Variants in SLC38A4 observed in about 807,000 individuals in gnomAD.
The protein encoded by SLC38A4 is solute carrier family 38 member 4.
A neutral mutation model predicts 63.1 loss-of-function variants in SLC38A4; 20 were observed. The ratio of observed to expected loss-of-function variants is 0.32; its 90% CI spans 0.22 to 0.46. The LOEUF is 0.46. Among genes scored for constraint, SLC38A4 ranks in the 20% least tolerant of loss-of-function variants. The pLI is 1.00. For missense variants in SLC38A4, 526 were observed against 663.6 expected (o/e 0.79, Z 2.28); for synonymous variants, 230 against 225.5 (o/e 1.02, Z -0.18).
chr12:46,792,816 T>C, intron 3 of SLC38A4, 137 bp downstream of exon 3: 1 of 676,664 alleles, frequency 1.5e-6, no homozygotes, highest in Non-Finnish European at 2.7e-6. Flanking sequence ...GACCAGGGAA[T>C]TGATGTGCTA....
rs752057334 is a variant in SLC38A4 at position 46,778,685 on chromosome 12, T to G, written c.809A>C (p.His270Pro). ...AGAGTTGTTGGGTAACATTACCACATGCATTGGAAGCGTGTTGTTGAATGA... is the reference window on the plus strand; with the variant it reads ...AGAGTTGTTGGGTAACATTACCACAGGCATTGGAAGCGTGTTGTTGAATGA... ...NLSFNNTLPM[H>P]VVMLPNNSES... The change falls in exon 11 of 17, where the codon CAT (histidine) becomes CCT (proline). Residue 270 changes from histidine (H) to proline (P), a missense_variant. Physicochemically the swap from His to Pro is moderately conservative, Grantham distance 77. Coordinates refer to ENST00000266579, the MANE Select transcript of SLC38A4 (RefSeq NM_018018.5). 5 of 1,612,958 alleles carry G rather than the reference T, an allele frequency of 3.1e-6. No individual in the cohort carries two copies. Among genetic ancestry groups the G allele is most frequent in the Non-Finnish European group, 8.5e-7 (1 of 1,179,306 alleles).
At chr12:46,766,849 T>G (rs1168870492) in intron 16 of SLC38A4, 47 bp from the exon 17 acceptor site, 30 of 1,348,666 alleles carry the variant, frequency 2.2e-5, no homozygotes, top group Non-Finnish European at 3.1e-5. Flanking sequence ...CCATACTTAG[T>G]ACAATTTGTT....
chr12:46,781,936 G>T (rs1478651425), intron 7 of SLC38A4, among the ~76,000 whole-genome samples: 1 of 151,998 alleles, frequency 6.6e-6, no homozygotes, highest in African/African-American at 2.4e-5. Context: ...CCTTGATAAG[G>T]CTGAGAGTTT....
chr12:46,765,495 C>A lies in SLC38A4; in HGVS notation c.*1206G>T. 2.8e-6 allele frequency: 1 copy of A among 351,280 alleles called. No individual in the cohort carries two copies. Among genetic ancestry groups the A allele is most frequent in the Non-Finnish European group, 5.5e-6 (1 of 182,648 alleles). The allele number at this position is 351,280 out of a possible 1,614,324, so 21.8% of individuals were successfully genotyped here. The stretch of plus-strand genomic sequence containing the variant: ...AAAAGAAACTTATTTTCTTGTAGAT[C>A]ATCCTATTATTGTAAATATTGAAGA... On this transcript the variant is annotated 3_prime_UTR_variant, in exon 17 of 17. Transcript: ENST00000266579.
chr12:46,770,647 G>C (rs1457805347), intron 14 of SLC38A4, among the ~76,000 whole-genome samples: 1 of 152,066 alleles, frequency 6.6e-6, no homozygotes, highest in Non-Finnish European at 1.5e-5. Context: ...AGATCCCTGT[G>C]GGCAGAGGGA....
In SLC38A4 at chr12:46,803,727, G is replaced by A. The variant is rs1939176774; in HGVS notation, c.-237C>T. Reference sequence around the variant, plus strand: ...CATTGATTTAAAGACCAGTGGGAGTGAACGAGACAAGCCAATCAACACCAC... The same window carrying A: ...CATTGATTTAAAGACCAGTGGGAGTAAACGAGACAAGCCAATCAACACCAC... On this transcript the variant is annotated 5_prime_UTR_variant, in exon 2 of 17. Coordinates refer to ENST00000266579, the MANE Select transcript of SLC38A4 (RefSeq NM_018018.5). 1 of 150,874 alleles carries A rather than the reference G, an allele frequency of 6.6e-6. No homozygotes were observed. The highest frequency in any genetic ancestry group is 2.4e-5 in the African/African-American group (1 of 41,040). The allele number at this position is 150,874 out of a possible 1,614,324, so 9.3% of individuals were successfully genotyped here. A position where few individuals can be genotyped will look rare whatever the true frequency, so the allele number is the denominator to read the frequency against.
At chr12:46,769,516 T>G in intron 14 of SLC38A4, 88 bp from the exon 15 acceptor site, 11 of 1,365,064 alleles carry the variant, frequency 8.1e-6, no homozygotes, top group East Asian at 2.3e-5. Context: ...CTAATGCATT[T>G]TCTTTCCTTT....
chr12:46,785,738 C>CCTTTTTTTT (rs1489385010), intron 5 of SLC38A4, among the ~76,000 whole-genome samples: 1 of 66,926 alleles, frequency 1.5e-5, no homozygotes, highest in Non-Finnish European at 2.9e-5. Flanking sequence ...ACGAAAATTC[C>CCTTTTTTTT]TTTTTTTTTT....
intron 7 of SLC38A4, among the ~76,000 whole-genome samples, chr12:46,781,395 T>G (rs1481142055): frequency 1.3e-5 from 2 of 152,058 alleles, no homozygotes; most frequent in African/African-American, 4.8e-5. Flanking sequence ...ATATTTCTGA[T>G]TAGCTGGCTT....
At chr12:46,804,580 T>A (rs1392190245) in intron 1 of SLC38A4, among the ~76,000 whole-genome samples, 1 of 152,042 alleles carries the variant, frequency 6.6e-6, no homozygotes, top group Non-Finnish European at 1.5e-5. Flanking sequence ...GATGTGTCAA[T>A]TCCTATTTCT....
chr12:46,814,042 A>G (rs12301396), intron 1 of SLC38A4, among the ~76,000 whole-genome samples: 1,926 of 152,152 alleles, frequency 0.013, 25 homozygotes, highest in East Asian at 0.063. Flanking sequence ...TACTGGGTCT[A>G]ATGAAAACTT....
intron 1 of SLC38A4, among the ~76,000 whole-genome samples, chr12:46,813,392 C>G (rs534258531): frequency 6.6e-6 from 1 of 151,848 alleles, no homozygotes; most frequent in East Asian, 1.9e-4. Flanking sequence ...GCTGTAAATC[C>G]GAACTCTTTT....
At chr12:46,830,379 T>A (rs1263257210), upstream of SLC38A4, among the ~76,000 whole-genome samples, 1 of 152,050 alleles carries the variant, frequency 6.6e-6, no homozygotes, top group Non-Finnish European at 1.5e-5. Flanking sequence ...AGCGACTTTT[T>A]AGGAGACTTG....
chr12:46,769,663 C>T (rs1021697097), intron 14 of SLC38A4, among the ~76,000 whole-genome samples: 2 of 151,994 alleles, frequency 1.3e-5, no homozygotes, highest in African/African-American at 4.8e-5. Context: ...TTTCGGTCAA[C>T]AACAGACCAC....
intron 14 of SLC38A4, among the ~76,000 whole-genome samples, chr12:46,771,662 G>A (rs1439382838): frequency 1.3e-5 from 2 of 152,072 alleles, no homozygotes; most frequent in African/African-American, 4.8e-5. Context: ...GAGCAACAGA[G>A]CAAAGAGGGA....
chr12:46,784,520 A>G (rs754769202), intron 7 of SLC38A4, 22 bp downstream of exon 7: 3 of 1,585,520 alleles, frequency 1.9e-6, no homozygotes, highest in Admixed American at 3.4e-5. Context: ...TATGGGATCC[A>G]TTGAAAAGTA....
chr12:46,831,445 G>T (rs940683861), intron 1 of SLC38A4, among the ~76,000 whole-genome samples: 10 of 152,094 alleles, frequency 6.6e-5, no homozygotes, highest in Non-Finnish European at 1.2e-4. Flanking sequence ...CGGTTGCCGC[G>T]ACCCCACTAT....
At chr12:46,773,982 A>T (rs1390001815) in intron 14 of SLC38A4, among the ~76,000 whole-genome samples, 1 of 151,952 alleles carries the variant, frequency 6.6e-6, no homozygotes, top group African/African-American at 2.4e-5. Flanking sequence ...CCTATCGTAT[A>T]CCTTCTGTTT....
At chr12:46,814,484 T>C (rs914342427) in intron 1 of SLC38A4, among the ~76,000 whole-genome samples, 3 of 151,922 alleles carry the variant, frequency 2.0e-5, no homozygotes, top group African/African-American at 7.2e-5. Context: ...GGCTTTGCTT[T>C]GGGTTAATCT....
Sources: gnomAD v4.1 joint callset for allele counts (sites outside exome capture counted in the v4.1 genomes callset) on GRCh38, gnomAD v4.1.1 for gene constraint, MANE v1.5 for transcripts, NCBI Gene and HGNC (gene_info 2026-07-23, HGNC 2026-07-21) for gene names.